ACOX3: variants seen among roughly 807,000 people sequenced by gnomAD.
The protein encoded by ACOX3 is peroxisomal acyl-coenzyme A oxidase 3.
ACOX3 carries 73 observed loss-of-function variants against 81.5 expected under a neutral mutation model. The ratio of observed to expected loss-of-function variants is 0.90; its 90% CI spans 0.74 to 1.09. The LOEUF is 1.09. Among genes scored for constraint, ACOX3 ranks in the 50% least tolerant of loss-of-function variants. ACOX3 has a pLI of 0.00. For missense variants in ACOX3, 947 were observed against 928.0 expected (o/e 1.02, Z -0.27); for synonymous variants, 387 against 375.1 (o/e 1.03, Z -0.37).
In ACOX3 at chr4:8,399,519, G is replaced by A; in HGVS notation, c.873+37C>T. On this transcript the variant is annotated intron_variant, in intron 8 of 17. Transcript: ENST00000356406. The surrounding 1 kb of genome is among the most constrained non-coding windows in gnomAD (Gnocchi z 4.9). ...CAGGCCCTGCAGAGGAAGGCACCTG[G>A]GAAGCACGGCACACGAACGGCCCCC... 1 of 1,558,632 alleles carries A rather than the reference G, an allele frequency of 6.4e-7. No individual in the cohort carries two copies. The highest frequency in any genetic ancestry group is 8.8e-7 in the Non-Finnish European group (1 of 1,130,750).
chr4:8,409,954 T>C (rs577037489), intron 6 of ACOX3, among the ~76,000 whole-genome samples: 4 of 150,176 alleles, frequency 2.7e-5, no homozygotes, highest in South Asian at 2.1e-4. Flanking sequence ...GTCTGTGCAC[T>C]GTGGGCAGGG....
the ACOX3 span, chr4:8,357,160 G>A: frequency 2.2e-6 from 1 of 456,808 alleles, no homozygotes; most frequent in South Asian, 1.5e-5. Flanking sequence ...AAGAAAGTGA[G>A]CAGAACGGTG....
In ACOX3 at chr4:8,392,397, C is replaced by G; in HGVS notation, c.1236G>C (p.Ser412=). 6.2e-7 allele frequency: 1 copy of G among 1,609,312 alleles called. No individual in the cohort carries two copies. Among genetic ancestry groups the G allele is most frequent in the Non-Finnish European group, 8.5e-7 (1 of 1,178,422 alleles). ...ALASASKPLA[S]WTTQQGIQEC... is the part of the protein sequence containing the mutation. The stretch of plus-strand genomic sequence containing the variant: ...CCTGAATTCCTTGCTGGGTGGTCCA[C>G]GAGGCCAGGGGCTTGCTGGCCGATG... The change falls in exon 11 of 18, where the codon TCG becomes TCC. Residue 412 remains serine, a synonymous_variant. Coordinates refer to ENST00000356406, the MANE Select transcript of ACOX3 (RefSeq NM_003501.3).
At position 8,389,107 on chromosome 4, in the gene ACOX3, G is replaced by A. The variant is rs1718655732; in HGVS notation, c.1537+66C>T. 2 of 1,382,254 alleles carry A rather than the reference G, an allele frequency of 1.4e-6. No homozygotes were observed. The highest frequency in any genetic ancestry group is 3.6e-5 in the Admixed American group (2 of 56,002). The allele number at this position is 1,382,254 out of a possible 1,614,324, so 85.6% of individuals were successfully genotyped here. ...CCAAGGGTCCCCTCACCGAGGCACG[G>A]TGCGTTTCCTGGTGGGAATGACAGG... On this transcript the variant is annotated intron_variant, in intron 13 of 17. Transcript: ENST00000356406. The surrounding 1 kb of genome is among the most constrained non-coding windows in gnomAD (Gnocchi z 5.3).
chr4:8,383,612 G>C (rs928028668), intron 13 of ACOX3, among the ~76,000 whole-genome samples: 2 of 152,180 alleles, frequency 1.3e-5, no homozygotes, highest in Non-Finnish European at 1.5e-5. Context: ...ATCCTGACTT[G>C]GGGTTTCTGC....
rs772932076 is a variant in ACOX3 at position 8,406,040 on chromosome 4, G to A, written c.691C>T (p.Arg231Trp). 26 of 1,613,726 alleles carry A rather than the reference G, an allele frequency of 1.6e-5. No homozygotes were observed. The highest frequency in any genetic ancestry group is 8.0e-5 in the African/African-American group (6 of 74,844). The change falls in exon 7 of 18, where the codon CGG (arginine) becomes TGG (tryptophan). Residue 231 changes from arginine (R) to tryptophan (W), a missense_variant. Physicochemically the swap from Arg to Trp is moderately radical, Grantham distance 101. Transcript: ENST00000356406. This position sits in a 1 kb window ranked among gnomAD's most constrained non-coding sequence, Gnocchi z 5.6. Reference protein sequence around the residue: ...HGLHPFIVQIRDPKTLLPMPG... With the variant: ...HGLHPFIVQIWDPKTLLPMPG... ...ATGGGAAGAAGGGTCTTCGGGTCCC[G>A]GATCTATACAAAGCCACAGAAAGCA...
At position 8,419,623 on chromosome 4, in the gene ACOX3, A is replaced by G. The variant is rs1416617739; in HGVS notation, c.-14-3088T>C. ...CACATGACTCAGCAATTCCACTCTG[A>G]GGTATGTACGCAAGAGAACCGAAAA... On this transcript the variant is annotated intron_variant, in intron 1 of 17. Transcript: ENST00000356406. This position sits in a 1 kb window ranked among gnomAD's most constrained non-coding sequence, Gnocchi z 4.2. Among the ~76,000 whole-genome samples, 1 of 152,102 alleles carries G rather than the reference A, an allele frequency of 6.6e-6. No homozygotes were observed. The highest frequency in any genetic ancestry group is 1.5e-5 in the Non-Finnish European group (1 of 68,024).
intron 1 of ACOX3, among the ~76,000 whole-genome samples, chr4:8,428,100 C>T (rs1485418528): frequency 6.6e-6 from 1 of 152,268 alleles, no homozygotes; most frequent in Non-Finnish European, 1.5e-5. Context: ...AATCACTTCC[C>T]TTTCGTGAAC....
chr4:8,432,806 CT>C lies in ACOX3; in HGVS notation c.-15+7841del, dbSNP rs759162372. On this transcript the variant is annotated intron_variant, in intron 1 of 17. Transcript: ENST00000356406. The surrounding 1 kb of genome is among the most constrained non-coding windows in gnomAD (Gnocchi z 6.2). The stretch of plus-strand genomic sequence containing the variant: ...ACGCTGACAACTCAGAATGGAGGGG[CT>C]TTAAGGGTCCCAGGTGAGTGTCTCT... Among the ~76,000 whole-genome samples the C allele has an allele frequency of 5.3e-5, 8 of 152,336 alleles. No homozygotes were observed. In the East Asian group the frequency reaches 1.2e-3, roughly 22 times the overall value.
the ACOX3 span, among the ~76,000 whole-genome samples, chr4:8,359,978 G>A: frequency 4.6e-5 from 7 of 152,292 alleles, no homozygotes; most frequent in East Asian, 1.9e-4. The surrounding 1 kb of genome is among the most constrained non-coding windows in gnomAD (Gnocchi z 6.0). Context: ...GATAGAGCAC[G>A]GACTTAGGAC....
chr4:8,360,120 G>T, the ACOX3 span, among the ~76,000 whole-genome samples: 4 of 152,218 alleles, frequency 2.6e-5, no homozygotes, highest in Admixed American at 2.0e-4. Flanking sequence ...TTGTAACCAT[G>T]TGGCCATGCT....
Position 8,423,444 on chromosome 4 carries a change from C to G in ACOX3, c.-14-6909G>C, listed in dbSNP as rs1007503474. Among the ~76,000 whole-genome samples, 7 of 152,142 alleles carry G rather than the reference C, an allele frequency of 4.6e-5. No individual in the cohort carries two copies. The highest frequency in any genetic ancestry group is 8.8e-5 in the Non-Finnish European group (6 of 68,030). Reference sequence around the variant, plus strand: ...AAGTTAAACTAAAGGATTCCGCCTCCTTTCCCCACCAAAGGCAGTACCCTC... The same window carrying G: ...AAGTTAAACTAAAGGATTCCGCCTCGTTTCCCCACCAAAGGCAGTACCCTC... On this transcript the variant is annotated intron_variant, in intron 1 of 17. Coordinates refer to ENST00000356406, the MANE Select transcript of ACOX3 (RefSeq NM_003501.3). The surrounding 1 kb of genome is among the most constrained non-coding windows in gnomAD (Gnocchi z 4.2).
rs979160056 is a variant in ACOX3, at chr4:8,368,304, G to A, written c.1984-1224C>T. Reference sequence around the variant, plus strand: ...CTAAGTGGCCTCACTGGGAAGATGGGGAGAGACGCTCCTGTCTTGGAGGAA... The same window carrying A: ...CTAAGTGGCCTCACTGGGAAGATGGAGAGAGACGCTCCTGTCTTGGAGGAA... On this transcript the variant is annotated intron_variant, in intron 17 of 17. Transcript: ENST00000356406. This position sits in a 1 kb window ranked among gnomAD's most constrained non-coding sequence, Gnocchi z 5.9. 2.0e-5 allele frequency among the ~76,000 whole-genome samples: 3 copies of A among 152,224 alleles called. No individual in the cohort carries two copies. Among genetic ancestry groups the A allele is most frequent in the Non-Finnish European group, 2.9e-5 (2 of 68,048 alleles).
chr4:8,368,865 G>C lies in ACOX3; in HGVS notation c.1984-1785C>G, dbSNP rs1366900245. 6.6e-6 allele frequency among the ~76,000 whole-genome samples: 1 copy of C among 151,762 alleles called. No homozygotes were observed. The highest frequency in any genetic ancestry group is 1.5e-5 in the Non-Finnish European group (1 of 67,966). On this transcript the variant is annotated intron_variant, in intron 17 of 17. Coordinates refer to ENST00000356406, the MANE Select transcript of ACOX3 (RefSeq NM_003501.3). The surrounding 1 kb of genome is among the most constrained non-coding windows in gnomAD (Gnocchi z 5.9). ...TCACCTCAGTTTTTGTAATTTTTAT[G>C]GATGGGGTTTCAGTATGTTGCCTAG... is the stretch of plus-strand genomic sequence containing the variant.
chr4:8,409,257 A>G (rs1214900428), intron 6 of ACOX3, among the ~76,000 whole-genome samples: 1 of 152,250 alleles, frequency 6.6e-6, no homozygotes, highest in Non-Finnish European at 1.5e-5. Flanking sequence ...AGAGGCCTGC[A>G]GCTCCTGTGG....
rs757654648 is a variant in ACOX3 at position 8,414,923 on chromosome 4, A to G, written c.384T>C (p.Phe128=). 2 of 1,613,932 alleles carry G rather than the reference A, an allele frequency of 1.2e-6. No individual in the cohort carries two copies. The highest frequency in any genetic ancestry group is 1.3e-5 in the African/African-American group (1 of 75,068). The change falls in exon 4 of 18, where the codon TTT becomes TTC. Residue 128 remains phenylalanine, a synonymous_variant. Coordinates refer to ENST00000356406, the MANE Select transcript of ACOX3 (RefSeq NM_003501.3). The surrounding 1 kb of genome is among the most constrained non-coding windows in gnomAD (Gnocchi z 6.1). The part of the protein sequence containing the change: ...AAKYLLHSLV[F]GSAVYSSGSE... The stretch of plus-strand genomic sequence containing the variant: ...AACCAGAACTGTAAACTGCTGATCC[A>G]AAAACCTGAAAGTATAACATCGTCC...
rs1355657496 is a variant in ACOX3, at chr4:8,375,038, G to A, written c.1768C>T (p.Arg590Trp). Reference sequence around the variant, plus strand: ...CACAGGGCGTACAGAGCACTGAGCCGCCCCAGCACGGCCCGCAGCGAGGGC... The same window carrying A: ...CACAGGGCGTACAGAGCACTGAGCCACCCCAGCACGGCCCGCAGCGAGGGC... ...VPPSLRAVLG[R>W]LSALYALWSL... Residue 590 changes from arginine to tryptophan, a missense_variant, in exon 15 of 18, where the codon CGG becomes TGG. By Grantham distance (101) the Arg-to-Trp change is moderately radical (BLOSUM62 -3). Coordinates refer to ENST00000356406, the MANE Select transcript of ACOX3 (RefSeq NM_003501.3). 5.1e-6 allele frequency: 8 copies of A among 1,554,770 alleles called. No homozygotes were observed. The South Asian group carries it at 7.1e-5, about 14-fold the overall frequency.
intron 1 of ACOX3, among the ~76,000 whole-genome samples, chr4:8,436,967 T>C (rs1579013983): frequency 1.4e-5 from 2 of 139,776 alleles, no homozygotes; most frequent in Non-Finnish European, 3.1e-5. Context: ...ACTCCAGCCT[T>C]GGCAACAGAG....
rs1399401936 is a variant in ACOX3, at chr4:8,432,323, T to C, written c.-15+8325A>G. 6.6e-6 allele frequency among the ~76,000 whole-genome samples: 1 copy of C among 151,984 alleles called. No homozygotes were observed. Among genetic ancestry groups the C allele is most frequent in the Non-Finnish European group, 1.5e-5 (1 of 67,992 alleles). On this transcript the variant is annotated intron_variant, in intron 1 of 17. Coordinates refer to ENST00000356406, the MANE Select transcript of ACOX3 (RefSeq NM_003501.3). The surrounding 1 kb of genome is among the most constrained non-coding windows in gnomAD (Gnocchi z 6.2). ...ATCTCGGCTCACTGCAAGCTCTGCC[T>C]CCCGGGTTCAAGCCATTCTCCTGCC...
Sources: gnomAD v4.1 joint callset for allele counts (sites outside exome capture counted in the v4.1 genomes callset) on GRCh38, gnomAD v4.1.1 for gene constraint, Gnocchi (gnomAD v3.1) non-coding constraint, MANE v1.5 for transcripts, NCBI Gene and HGNC (gene_info 2026-07-23, HGNC 2026-07-21) for gene names.